The following MED13L variants were observed in gnomAD, a reference collection of about 807,000 sequenced individuals.
MED13L encodes the protein mediator of RNA polymerase II transcription subunit 13-like.
Under a neutral mutation model 220.9 loss-of-function variants are expected in MED13L, and 7 were observed. The observed-to-expected ratio is 0.03, with a 90% CI of 0.02 to 0.06. The LOEUF is 0.06. MED13L is among the 10% of genes least tolerant of loss of function. MED13L has a pLI of 1.00. For synonymous variants in MED13L, 1,011 were observed against 1,015.2 expected (o/e 1.00, Z 0.08); for missense variants, 1,965 against 2,760.5 (o/e 0.71, Z 6.46).
chr12:116,173,015 A>C (rs1364141038), intron 2 of MED13L, among the ~76,000 whole-genome samples: 2 of 151,852 alleles, frequency 1.3e-5, no homozygotes, highest in East Asian at 3.9e-4. Flanking sequence ...GATGTGTCAC[A>C]GAAGACATTA....
chr12:116,119,706 G>A (rs1381088062), intron 2 of MED13L, among the ~76,000 whole-genome samples: 1 of 150,044 alleles, frequency 6.7e-6, no homozygotes, highest in Non-Finnish European at 1.5e-5. Flanking sequence ...CTGGGAGGCT[G>A]AGGCAGAAGG....
At chr12:115,996,052 GA>G (rs1878381262) in intron 16 of MED13L, among the ~76,000 whole-genome samples, 2 of 151,988 alleles carry the variant, frequency 1.3e-5, no homozygotes, top group African/African-American at 2.4e-5. Context: ...ACCAATAAAG[GA>G]AAGTTTCAAA....
chr12:116,069,990 C>G (rs1386086057), intron 4 of MED13L, among the ~76,000 whole-genome samples: 1 of 152,164 alleles, frequency 6.6e-6, no homozygotes, highest in East Asian at 1.9e-4. Context: ...AAAGAGTACT[C>G]AACTTGTACT....
At chr12:116,131,657 G>C (rs922902916) in intron 2 of MED13L, among the ~76,000 whole-genome samples, 2 of 152,168 alleles carry the variant, frequency 1.3e-5, no homozygotes, top group Non-Finnish European at 2.9e-5. Flanking sequence ...TTGTGTGCAT[G>C]TATCATTCAA....
chr12:116,218,407 CAATTAT>C (rs1401689626), intron 2 of MED13L, among the ~76,000 whole-genome samples: 3 of 152,160 alleles, frequency 2.0e-5, no homozygotes, highest in South Asian at 2.1e-4. Flanking sequence ...GCAATGCCAA[CAATTAT>C]AATTATGTCA....
intron 2 of MED13L, among the ~76,000 whole-genome samples, chr12:116,134,292 G>T (rs987458155): frequency 1.3e-5 from 2 of 152,030 alleles, no homozygotes; most frequent in Non-Finnish European, 2.9e-5. Flanking sequence ...ACTGAGAGAC[G>T]AACTAAATTT....
intron 2 of MED13L, among the ~76,000 whole-genome samples, chr12:116,193,191 G>C (rs1881392734): frequency 6.6e-6 from 1 of 152,032 alleles, no homozygotes; most frequent in South Asian, 2.1e-4. Flanking sequence ...CACTCCTGTA[G>C]TCACAGCTGC....
At chr12:116,087,687 AG>A (rs1277199641) in intron 4 of MED13L, among the ~76,000 whole-genome samples, 1 of 152,170 alleles carries the variant, frequency 6.6e-6, no homozygotes, top group African/African-American at 2.4e-5. Context: ...GTCACCTCCC[AG>A]ACCTTCCTTC....
intron 7 of MED13L, among the ~76,000 whole-genome samples, chr12:116,017,839 C>T (rs915698324): frequency 6.6e-6 from 1 of 152,048 alleles, no homozygotes; most frequent in Non-Finnish European, 1.5e-5. Context: ...TGGTCTGAAA[C>T]TCCTGAGCTC....
intron 2 of MED13L, among the ~76,000 whole-genome samples, chr12:116,150,703 T>C (rs920321454): frequency 1.3e-5 from 2 of 152,228 alleles, no homozygotes; most frequent in African/African-American, 4.8e-5. Flanking sequence ...ATTATCTGTT[T>C]GTACAGCTCT....
chr12:115,975,411 T>A, intron 24 of MED13L, 98 bp from the exon 25 acceptor site: 1 of 1,598,710 alleles, frequency 6.3e-7, no homozygotes, highest in Non-Finnish European at 8.6e-7. Flanking sequence ...AAAGAACCTA[T>A]CCATGCTGTA....
intron 21 of MED13L, 74 bp downstream of exon 21, chr12:115,983,043 G>T: frequency 1.3e-6 from 2 of 1,499,390 alleles, no homozygotes; most frequent in Non-Finnish European, 1.8e-6. Context: ...GAGGTCAAGG[G>T]AGAAAAGGTG....
chr12:116,224,827 G>A (rs1282213744), intron 2 of MED13L, among the ~76,000 whole-genome samples: 3 of 152,066 alleles, frequency 2.0e-5, no homozygotes, highest in African/African-American at 7.2e-5. Flanking sequence ...GCAGGCACAC[G>A]CCACTATGCC....
chr12:116,273,619 G>A (rs1593234505), intron 1 of MED13L, among the ~76,000 whole-genome samples: 1 of 152,110 alleles, frequency 6.6e-6, no homozygotes, highest in African/African-American at 2.4e-5. Flanking sequence ...AGAACTAATG[G>A]TCTTCAATAG....
chr12:115,963,588 T>C (rs1875923089), intron 29 of MED13L, 69 bp from the exon 30 acceptor site: 7 of 1,181,066 alleles, frequency 5.9e-6, no homozygotes, highest in Middle Eastern at 3.9e-4. Flanking sequence ...AGGGAGGCCA[T>C]GTCTGCCAGA....
intron 4 of MED13L, among the ~76,000 whole-genome samples, chr12:116,048,808 A>G (rs1476165471): frequency 6.6e-6 from 1 of 152,182 alleles, no homozygotes; most frequent in African/African-American, 2.4e-5. Flanking sequence ...CATTACCGTT[A>G]TTGATTTCCA....
intron 4 of MED13L, among the ~76,000 whole-genome samples, chr12:116,031,759 A>AAGGAAGGAAGGAAG (rs1880838903): frequency 1.0e-3 from 42 of 40,984 alleles, no homozygotes; most frequent in Middle Eastern, 0.019. Context: ...AGAAAAGAAA[A>AAGGAAGGAAGGAAG]GAAGGAAGGA....
chr12:116,092,932 T>C (rs1320809376), intron 4 of MED13L, among the ~76,000 whole-genome samples: 1 of 152,190 alleles, frequency 6.6e-6, no homozygotes, highest in East Asian at 1.9e-4. Flanking sequence ...CAAGTTACTA[T>C]TTTTGTTAAC....
intron 1 of MED13L, among the ~76,000 whole-genome samples, chr12:116,271,031 A>G (rs1873271079): frequency 8.1e-6 from 1 of 122,904 alleles, no homozygotes; most frequent in Non-Finnish European, 1.6e-5. Flanking sequence ...ACAGAGCGAG[A>G]CTCCGTCTCA....
Sources: allele counts gnomAD v4.1 joint callset (sites outside exome capture counted in the v4.1 genomes callset), GRCh38; gene constraint gnomAD v4.1.1; transcripts MANE v1.5; gene names NCBI Gene and HGNC (gene_info 2026-07-23, HGNC 2026-07-21).